Variants in GPR176 observed in about 807,000 individuals in gnomAD.
GPR176 encodes G protein-coupled receptor 176.
A neutral mutation model predicts 35.4 loss-of-function variants in GPR176; 26 were observed. The ratio of observed to expected loss-of-function variants is 0.74; its 90% CI spans 0.54 to 1.02. The LOEUF is 1.02. GPR176 is among the 50% of genes least tolerant of loss of function. The pLI, the probability that GPR176 is intolerant of heterozygous loss-of-function variation, is 0.00. For missense variants in GPR176, 597 were observed against 665.3 expected, an observed-to-expected ratio of 0.90 and a Z score of 1.13; for synonymous variants, 278 against 271.3, an observed-to-expected ratio of 1.02 and a Z score of -0.24.
intron 1 of GPR176, among the ~76,000 whole-genome samples, chr15:39,841,880 C>T (rs1460877509): frequency 6.6e-6 from 1 of 152,014 alleles, no homozygotes; most frequent in Non-Finnish European, 1.5e-5. Flanking sequence ...TTTTTGTCTC[C>T]AACATATAGT....
At chr15:39,895,918 G>A (rs796350544) in intron 1 of GPR176, among the ~76,000 whole-genome samples, 5 of 152,088 alleles carry the variant, frequency 3.3e-5, no homozygotes, top group African/African-American at 1.2e-4. Flanking sequence ...AAACTTTCCA[G>A]TATTAAAAGC....
chr15:39,888,330 G>A (rs1166633876), intron 1 of GPR176, among the ~76,000 whole-genome samples: 1 of 152,070 alleles, frequency 6.6e-6, no homozygotes, highest in Non-Finnish European at 1.5e-5. Flanking sequence ...CTGTTGCTCA[G>A]GCTGGAGTGT....
chr15:39,806,990 G>A lies in GPR176; in HGVS notation c.425+16C>T. The stretch of plus-strand genomic sequence containing the variant: ...AACTTAAAAAAAAAAGTTAGCTCCT[G>A]GCTACCTGATCTTACCTGTCCAAAG... On this transcript the variant is annotated intron_variant, in intron 2 of 2. Transcript: ENST00000561100. 1 of 1,567,216 alleles carries A rather than the reference G, an allele frequency of 6.4e-7. No individual in the cohort carries two copies. The highest frequency in any genetic ancestry group is 1.4e-5 in the African/African-American group (1 of 72,504).
At chr15:39,870,596 T>C (rs533260836) in intron 1 of GPR176, among the ~76,000 whole-genome samples, 6 of 152,252 alleles carry the variant, frequency 3.9e-5, no homozygotes, top group Middle Eastern at 3.4e-3. Context: ...GTGGGAGGCA[T>C]AATTCTAAAT....
chr15:39,906,555 C>G (rs1031251685), intron 1 of GPR176, among the ~76,000 whole-genome samples: 1 of 152,228 alleles, frequency 6.6e-6, no homozygotes, highest in African/African-American at 2.4e-5. Context: ...GGACATCCCC[C>G]ACACATTATG....
intron 1 of GPR176, among the ~76,000 whole-genome samples, chr15:39,884,656 T>A (rs1334966735): frequency 6.6e-6 from 1 of 152,192 alleles, no homozygotes; most frequent in African/African-American, 2.4e-5. Flanking sequence ...CTAGGTGTTG[T>A]ATCCAGGCAG....
chr15:39,833,164 GA>G (rs1901198994), intron 1 of GPR176, among the ~76,000 whole-genome samples: 1 of 151,966 alleles, frequency 6.6e-6, no homozygotes, highest in South Asian at 2.1e-4. Flanking sequence ...ACATATCCAA[GA>G]AAAAGGAAAA....
chr15:39,894,537 A>T (rs2033031730), intron 1 of GPR176: 1 of 181,106 alleles, frequency 5.5e-6, no homozygotes, highest in Admixed American at 6.2e-5. Context: ...CTCACCTCCC[A>T]GACAGGGTCG....
rs372911247 is a variant in GPR176 at position 39,801,055 on chromosome 15, T to C, written c.*77A>G. The C allele has an allele frequency of 2.0e-4, 255 of 1,268,832 alleles. No homozygotes were observed. In the African/African-American group the frequency reaches 3.5e-3, roughly 17 times the overall value. The allele number at this position is 1,268,832 out of a possible 1,614,324, so 78.6% of individuals were successfully genotyped here. A position where few individuals can be genotyped will look rare whatever the true frequency, so the allele number is the denominator to read the frequency against. The stretch of plus-strand genomic sequence containing the variant: ...ACTGAGTTGCAAGGAGATCATACAA[T>C]CACATGGCCACAGCATTCCCACACT... On this transcript the variant is annotated 3_prime_UTR_variant, in exon 3 of 3. Coordinates refer to ENST00000561100, the MANE Select transcript of GPR176 (RefSeq NM_007223.3).
At chr15:39,865,751 C>G (rs2031801966) in intron 1 of GPR176, among the ~76,000 whole-genome samples, 1 of 151,944 alleles carries the variant, frequency 6.6e-6, no homozygotes, top group Non-Finnish European at 1.5e-5. Flanking sequence ...TTCTTTAAAC[C>G]CTATGGAAAA....
At chr15:39,914,704 T>C (rs1439987967) in intron 1 of GPR176, among the ~76,000 whole-genome samples, 1 of 152,248 alleles carries the variant, frequency 6.6e-6, no homozygotes, top group African/African-American at 2.4e-5. Flanking sequence ...ATTATATTAT[T>C]ATTGGCTGTA....
In GPR176 at chr15:39,910,615, A is replaced by G. The variant is rs139373862; in HGVS notation, c.172+9240T>C. 1.1e-4 allele frequency among the ~76,000 whole-genome samples: 17 copies of G among 152,310 alleles called. No individual in the cohort carries two copies. The East Asian group carries it at 3.1e-3, about 28-fold the overall frequency. ...CACAGGCAAGCAACAGGCAGAAACA[A>G]CAGGACAAAGACAGGAAGAAGTTTA... On this transcript the variant is annotated intron_variant, in intron 1 of 2. Coordinates refer to ENST00000561100, the MANE Select transcript of GPR176 (RefSeq NM_007223.3).
At chr15:39,913,253 C>T (rs1173935646) in intron 1 of GPR176, among the ~76,000 whole-genome samples, 1 of 152,032 alleles carries the variant, frequency 6.6e-6, no homozygotes, top group Non-Finnish European at 1.5e-5. Context: ...TTTATAGAAA[C>T]AGAAAGTAGG....
intron 1 of GPR176, among the ~76,000 whole-genome samples, chr15:39,916,733 A>AT (rs2033735850): frequency 6.6e-6 from 1 of 152,156 alleles, no homozygotes; most frequent in Admixed American, 6.5e-5. Flanking sequence ...TTAATCAGTT[A>AT]TTTTTTCCAG....
At chr15:39,894,806 C>T (rs925903853) in intron 1 of GPR176, among the ~76,000 whole-genome samples, 1 of 152,234 alleles carries the variant, frequency 6.6e-6, no homozygotes, top group Non-Finnish European at 1.5e-5. Flanking sequence ...CTCCTCACTT[C>T]CCAGACGGGG....
chr15:39,848,746 A>T (rs2030626322), intron 1 of GPR176, among the ~76,000 whole-genome samples: 1 of 152,092 alleles, frequency 6.6e-6, no homozygotes, highest in African/African-American at 2.4e-5. Flanking sequence ...ACATAAGTCA[A>T]AGAATATGTT....
intron 1 of GPR176, among the ~76,000 whole-genome samples, chr15:39,828,888 A>G (rs577143105): frequency 2.0e-5 from 3 of 152,214 alleles, no homozygotes; most frequent in Non-Finnish European, 4.4e-5. Context: ...CGGTATGTCC[A>G]TGCTGGAGTA....
intron 1 of GPR176, among the ~76,000 whole-genome samples, chr15:39,900,585 T>A (rs1381968011): frequency 1.3e-5 from 2 of 152,206 alleles, no homozygotes; most frequent in Non-Finnish European, 2.9e-5. Context: ...GCATGCTAAA[T>A]CAGTAACAAT....
At chr15:39,911,344 GC>G (rs2033572051) in intron 1 of GPR176, among the ~76,000 whole-genome samples, 2 of 152,154 alleles carry the variant, frequency 1.3e-5, no homozygotes. Context: ...CTTATTTAGT[GC>G]CAGCATACCT....
Sources: gnomAD v4.1 joint callset for allele counts (sites outside exome capture counted in the v4.1 genomes callset) on GRCh38, gnomAD v4.1.1 for gene constraint, MANE v1.5 for transcripts, NCBI Gene and HGNC (gene_info 2026-07-23, HGNC 2026-07-21) for gene names.